SLC24A3: variants seen among roughly 807,000 people sequenced by gnomAD.
SLC24A3 encodes solute carrier family 24 member 3, also known as sodium/potassium/calcium exchanger 3.
A neutral mutation model predicts 75.8 loss-of-function variants in SLC24A3; 28 were observed. The ratio of observed to expected loss-of-function variants is 0.37; its 90% CI spans 0.27 to 0.51. The LOEUF is 0.51. SLC24A3 is among the 20% of genes least tolerant of loss of function. The pLI, the probability that SLC24A3 is intolerant of heterozygous loss-of-function variation, is 0.94. For missense variants in SLC24A3, 663 were observed against 847.8 expected (o/e 0.78, Z 2.71); for synonymous variants, 372 against 334.1 (o/e 1.11, Z -1.24).
intron 2 of SLC24A3, among the ~76,000 whole-genome samples, chr20:19,447,623 A>G (rs944318099): frequency 6.6e-6 from 1 of 152,250 alleles, no homozygotes; most frequent in Non-Finnish European, 1.5e-5. Flanking sequence ...GTTTACCATC[A>G]TTGGAAGTAT....
chr20:19,332,702 T>C (rs1985029306), intron 2 of SLC24A3, among the ~76,000 whole-genome samples: 1 of 152,094 alleles, frequency 6.6e-6, no homozygotes, highest in African/African-American at 2.4e-5. Flanking sequence ...CAGAAGGGTA[T>C]TTGGGGGTTC....
chr20:19,673,580 C>CT, intron 8 of SLC24A3, 21 bp from the exon 9 acceptor site: 1 of 1,611,122 alleles, frequency 6.2e-7, no homozygotes, highest in African/African-American at 1.3e-5. Context: ...CTGTCTTTAA[C>CT]TGTTCTTGGT....
intron 6 of SLC24A3, among the ~76,000 whole-genome samples, chr20:19,625,008 G>T (rs984465107): frequency 2.0e-5 from 3 of 152,112 alleles, no homozygotes; most frequent in African/African-American, 7.2e-5. Context: ...AAATGTTTCA[G>T]GCTGGGAAGG....
At chr20:19,556,576 GAAAAAAAAAA>G (rs10591708) in intron 3 of SLC24A3, among the ~76,000 whole-genome samples, 1 of 131,026 alleles carries the variant, frequency 7.6e-6, no homozygotes, top group Non-Finnish European at 1.6e-5. Context: ...GCCAGTGTGT[GAAAAAAAAAA>G]AAAAAAAAGA....
At chr20:19,574,362 A>G (rs1250136234) in intron 3 of SLC24A3, among the ~76,000 whole-genome samples, 2 of 152,216 alleles carry the variant, frequency 1.3e-5, no homozygotes, top group Non-Finnish European at 2.9e-5. Context: ...ACATCAAAGG[A>G]CACTATCAAC....
At chr20:19,351,884 G>A (rs1346147555) in intron 2 of SLC24A3, among the ~76,000 whole-genome samples, 1 of 152,152 alleles carries the variant, frequency 6.6e-6, no homozygotes, top group Non-Finnish European at 1.5e-5. Flanking sequence ...CAAAAAGTTA[G>A]CCTTTGTGCC....
chr20:19,590,909 G>A (rs1479826420), intron 6 of SLC24A3, among the ~76,000 whole-genome samples: 1 of 152,182 alleles, frequency 6.6e-6, no homozygotes, highest in Non-Finnish European at 1.5e-5. Context: ...CTGGATGAGA[G>A]GCAGCCTCCA....
intron 3 of SLC24A3, among the ~76,000 whole-genome samples, chr20:19,521,702 T>C (rs549280864): frequency 2.3e-4 from 35 of 152,306 alleles, no homozygotes; most frequent in African/African-American, 8.2e-4. Flanking sequence ...ATTTCTGCTA[T>C]TTAATTTTAA....
At chr20:19,256,275 A>C (rs559149784) in intron 1 of SLC24A3, among the ~76,000 whole-genome samples, 5 of 152,300 alleles carry the variant, frequency 3.3e-5, no homozygotes, top group African/African-American at 4.8e-5. Context: ...ATGTGTTCAG[A>C]ACAGGCAGCT....
chr20:19,332,821 G>A (rs1985033075), intron 2 of SLC24A3, among the ~76,000 whole-genome samples: 1 of 152,202 alleles, frequency 6.6e-6, no homozygotes, highest in South Asian at 2.1e-4. Flanking sequence ...TTTCTTGCCT[G>A]TTGGTGGGTT....
At chr20:19,671,360 T>C (rs978012425) in intron 8 of SLC24A3, among the ~76,000 whole-genome samples, 2 of 152,184 alleles carry the variant, frequency 1.3e-5, no homozygotes, top group Non-Finnish European at 2.9e-5. Context: ...AAACTTTCAT[T>C]TTTTTTCTTA....
intron 2 of SLC24A3, among the ~76,000 whole-genome samples, chr20:19,360,594 T>C (rs570928172): frequency 6.6e-6 from 1 of 152,346 alleles, no homozygotes; most frequent in South Asian, 2.1e-4. Context: ...AGCTTCAATA[T>C]GTAAATGTCT....
intron 6 of SLC24A3, among the ~76,000 whole-genome samples, chr20:19,623,380 T>C (rs2031829098): frequency 6.6e-6 from 1 of 152,188 alleles, no homozygotes; most frequent in African/African-American, 2.4e-5. Flanking sequence ...TGCTCAGCTC[T>C]GAAACAGGAG....
At chr20:19,452,146 G>A (rs1402121114) in intron 2 of SLC24A3, among the ~76,000 whole-genome samples, 1 of 152,198 alleles carries the variant, frequency 6.6e-6, no homozygotes. Flanking sequence ...CACAAGTGCA[G>A]TAGTGCTTTT....
intron 6 of SLC24A3, among the ~76,000 whole-genome samples, chr20:19,612,243 TA>T (rs2031680121): frequency 6.6e-6 from 1 of 152,166 alleles, no homozygotes; most frequent in Non-Finnish European, 1.5e-5. Flanking sequence ...CTATGCCCCA[TA>T]TCCCATGTCA....
chr20:19,350,026 A>C (rs1322041139), intron 2 of SLC24A3, among the ~76,000 whole-genome samples: 2 of 152,172 alleles, frequency 1.3e-5, no homozygotes, highest in East Asian at 3.9e-4. Flanking sequence ...AAACCTCGAG[A>C]GCACGGGCAC....
At chr20:19,637,736 G>A (rs923285803) in intron 6 of SLC24A3, among the ~76,000 whole-genome samples, 7 of 152,156 alleles carry the variant, frequency 4.6e-5, no homozygotes, top group Non-Finnish European at 1.0e-4. Flanking sequence ...TCTAAGAAAA[G>A]ATTAAAAGTG....
intron 2 of SLC24A3, among the ~76,000 whole-genome samples, chr20:19,296,473 G>A (rs1201890968): frequency 6.6e-6 from 1 of 151,686 alleles, no homozygotes; most frequent in Non-Finnish European, 1.5e-5. Context: ...CTAGCTTTTC[G>A]ATATGGTCAT....
chr20:19,587,554 C>A (rs904001365), intron 6 of SLC24A3, among the ~76,000 whole-genome samples: 5 of 152,218 alleles, frequency 3.3e-5, no homozygotes, highest in Non-Finnish European at 4.4e-5. Flanking sequence ...TTCTGACTTT[C>A]CTGTCATGTG....
Sources: gnomAD v4.1 joint callset for allele counts (sites outside exome capture counted in the v4.1 genomes callset) on GRCh38, gnomAD v4.1.1 for gene constraint, MANE v1.5 for transcripts, NCBI Gene and HGNC (gene_info 2026-07-23, HGNC 2026-07-21) for gene names.